PLCZ1: variants seen among roughly 807,000 people sequenced by gnomAD.
The protein encoded by PLCZ1 is phospholipase C zeta 1, also known as 1-phosphatidylinositol 4,5-bisphosphate phosphodiesterase zeta-1.
A neutral mutation model predicts 76.8 loss-of-function variants in PLCZ1; 64 were observed. That is an observed-to-expected ratio of 0.83 (90% CI 0.68 to 1.03). PLCZ1 has a LOEUF of 1.03. Among genes scored for constraint, PLCZ1 ranks in the 50% least tolerant of loss-of-function variants. The probability of loss-of-function intolerance (pLI) is 0.00; values close to 1 mark genes in which losing one functional copy is unlikely to be tolerated. For synonymous variants in PLCZ1, 248 were observed against 230.8 expected, an observed-to-expected ratio of 1.07 and a Z score of -0.68; for missense variants, 751 against 713.7, an observed-to-expected ratio of 1.05 and a Z score of -0.60.
chr12:18,712,045 G>C (rs1957406235), intron 6 of PLCZ1, among the ~76,000 whole-genome samples: 1 of 151,954 alleles, frequency 6.6e-6, no homozygotes, highest in Non-Finnish European at 1.5e-5. Context: ...ATTGACATAG[G>C]AGAACTTTAT....
At chr12:18,722,215 C>G (rs910969899) in intron 4 of PLCZ1, among the ~76,000 whole-genome samples, 2 of 11,864 alleles carry the variant, frequency 1.7e-4, no homozygotes, top group African/African-American at 2.8e-4. Context: ...TCTCCATCAC[C>G]TTCTTGCTCT....
chr12:18,724,641 T>A (rs1958644250), intron 3 of PLCZ1, among the ~76,000 whole-genome samples: 1 of 152,086 alleles, frequency 6.6e-6, no homozygotes, highest in African/African-American at 2.4e-5. Flanking sequence ...AAGTAATTCA[T>A]GCGTATTGTT....
intron 11 of PLCZ1, 116 bp from the exon 12 acceptor site, chr12:18,695,195 A>G: frequency 8.7e-6 from 9 of 1,029,666 alleles, no homozygotes. Context: ...TCTATGAGCA[A>G]GTATCATTAG....
the PLCZ1 span, among the ~76,000 whole-genome samples, chr12:18,650,708 A>G: frequency 0.088 from 639 of 7,286 alleles, 18 homozygotes; most frequent in African/African-American, 0.22. Flanking sequence ...GTGTGTGTAT[A>G]TATCTATATA....
chr12:18,652,055 T>A, the PLCZ1 span, among the ~76,000 whole-genome samples: 1 of 152,170 alleles, frequency 6.6e-6, no homozygotes, highest in African/African-American at 2.4e-5. Context: ...CGTATAACTT[T>A]TAAAGTTAGG....
rs1282461865 is a variant in PLCZ1, at chr12:18,723,292, G to T, written c.367+19C>A. The T allele has an allele frequency of 2.3e-5, 36 of 1,585,960 alleles. No homozygotes were observed. The highest frequency in any genetic ancestry group is 2.9e-5 in the Non-Finnish European group (34 of 1,158,198). ...TTCACATATAAATATTCCGATAAAA[G>T]TTTGAAATGCAAACATACCTTCTTC... On this transcript the variant is annotated intron_variant, in intron 4 of 14. Transcript: ENST00000266505.
At chr12:18,650,560 T>A in the PLCZ1 span, among the ~76,000 whole-genome samples, 3 of 149,518 alleles carry the variant, frequency 2.0e-5, no homozygotes, top group African/African-American at 7.3e-5. Context: ...CACATGAAAG[T>A]CTATACATTT....
the PLCZ1 span, among the ~76,000 whole-genome samples, chr12:18,672,410 T>C: frequency 1.3e-5 from 2 of 152,238 alleles, no homozygotes; most frequent in Admixed American, 6.5e-5. Context: ...GTGTGATCTC[T>C]GATTATGTAA....
the PLCZ1 span, among the ~76,000 whole-genome samples, chr12:18,667,395 A>T: frequency 0.013 from 2,035 of 152,246 alleles, 53 homozygotes; most frequent in African/African-American, 0.047. Flanking sequence ...TAAAATCAAG[A>T]TTACCTGTAT....
chr12:18,689,391 T>A (rs962573894), intron 12 of PLCZ1, among the ~76,000 whole-genome samples: 1 of 152,210 alleles, frequency 6.6e-6, no homozygotes, highest in Admixed American at 6.5e-5. Context: ...TGGCTTTGAA[T>A]GCGGCCCAAC....
the PLCZ1 span, among the ~76,000 whole-genome samples, chr12:18,656,329 G>A: frequency 6.6e-6 from 1 of 152,144 alleles, no homozygotes; most frequent in Non-Finnish European, 1.5e-5. Flanking sequence ...TGTAATCCCA[G>A]CACTTTAGGA....
At chr12:18,692,510 A>G (rs1954273947) in intron 12 of PLCZ1, among the ~76,000 whole-genome samples, 1 of 152,200 alleles carries the variant, frequency 6.6e-6, no homozygotes, top group South Asian at 2.1e-4. Flanking sequence ...TATGCTCCAT[A>G]AGGTTTTACA....
chr12:18,650,836 T>C, the PLCZ1 span, among the ~76,000 whole-genome samples: 2 of 149,430 alleles, frequency 1.3e-5, no homozygotes, highest in South Asian at 4.3e-4. Flanking sequence ...CAACCACTTA[T>C]CACTCTCCAC....
the PLCZ1 span, among the ~76,000 whole-genome samples, chr12:18,660,207 C>T: frequency 6.6e-6 from 1 of 152,114 alleles, no homozygotes; most frequent in Non-Finnish European, 1.5e-5. Flanking sequence ...TCAGCAGTGG[C>T]TATCCATCCC....
chr12:18,699,772 T>C (rs1338071928), intron 10 of PLCZ1, 22 bp downstream of exon 10: 2 of 1,603,074 alleles, frequency 1.2e-6, no homozygotes, highest in Admixed American at 3.3e-5. Context: ...ACATTTCATC[T>C]ATTTGAGTCA....
Position 18,704,733 on chromosome 12 carries a change from C to T in PLCZ1, c.864+433G>A, listed in dbSNP as rs183500828. 9.9e-5 allele frequency among the ~76,000 whole-genome samples: 15 copies of T among 152,124 alleles called. 1 individual carries two copies. The highest frequency in any genetic ancestry group is 4.1e-4 in the South Asian group (2 of 4,820). Reference sequence around the variant, plus strand: ...ATACTTCAGTATGCTCAAATTAAGACGGAAAGGGTCATAGAGACAGGGAAA... The same window carrying T: ...ATACTTCAGTATGCTCAAATTAAGATGGAAAGGGTCATAGAGACAGGGAAA... On this transcript the variant is annotated intron_variant, in intron 7 of 14. Transcript: ENST00000266505.
intron 6 of PLCZ1, among the ~76,000 whole-genome samples, chr12:18,705,809 C>T (rs181140925): frequency 1.1e-4 from 17 of 151,972 alleles, no homozygotes; most frequent in Non-Finnish European, 2.2e-4. Flanking sequence ...GAGATTACAA[C>T]GAGCCGAGGT....
At chr12:18,710,166 T>G (rs191969846) in intron 6 of PLCZ1, among the ~76,000 whole-genome samples, 1 of 148,686 alleles carries the variant, frequency 6.7e-6, no homozygotes, top group African/African-American at 2.5e-5. Flanking sequence ...TTTTGTCTCT[T>G]TTTCTTATCT....
the PLCZ1 span, among the ~76,000 whole-genome samples, chr12:18,646,942 G>A: frequency 4.0e-5 from 6 of 151,754 alleles, no homozygotes; most frequent in African/African-American, 1.5e-4. Context: ...AGAACAAGAC[G>A]TGAAACTGTA....
Sources: gnomAD v4.1 joint callset for allele counts (sites outside exome capture counted in the v4.1 genomes callset) on GRCh38, gnomAD v4.1.1 for gene constraint, MANE v1.5 for transcripts, NCBI Gene and HGNC (gene_info 2026-07-23, HGNC 2026-07-21) for gene names.